FBXO33: variants seen among roughly 807,000 people sequenced by gnomAD.
FBXO33 encodes F-box only protein 33.
FBXO33 carries 22 observed loss-of-function variants against 46.3 expected under a neutral mutation model. The ratio of observed to expected loss-of-function variants is 0.48; its 90% CI spans 0.34 to 0.68. The LOEUF (loss-of-function observed/expected upper bound fraction) is 0.68, where lower values mean the gene tolerates loss of function less well. FBXO33 is among the 30% of genes least tolerant of loss of function. The pLI is 0.01. For missense variants in FBXO33, 692 were observed against 708.8 expected, an observed-to-expected ratio of 0.98 and a Z score of 0.27; for synonymous variants, 337 against 291.3, an observed-to-expected ratio of 1.16 and a Z score of -1.60.
intron 1 of FBXO33, among the ~76,000 whole-genome samples, chr14:39,418,060 CTAT>C (rs1293206244): frequency 4.6e-5 from 7 of 151,694 alleles, no homozygotes; most frequent in South Asian, 2.1e-4. Flanking sequence ...TTCAAATTTT[CTAT>C]TATTATTATT....
In FBXO33 at chr14:39,432,078, G is replaced by GCCGCCA. The variant is rs2075562784; in HGVS notation, c.79_84dup (p.Trp27_Arg28dup). 10 of 1,241,790 alleles carry GCCGCCA rather than the reference G, an allele frequency of 8.1e-6. No homozygotes were observed. Among genetic ancestry groups the GCCGCCA allele is most frequent in the Non-Finnish European group, 1.0e-5 (10 of 995,170 alleles). 76.9% of individuals were successfully genotyped at this position (1,241,790 alleles called of 1,614,324 possible). On this transcript the variant is annotated inframe_insertion, in exon 1 of 4. Coordinates refer to ENST00000298097, the MANE Select transcript of FBXO33 (RefSeq NM_203301.4). ...CGTCGCAGCTGCTGCAGCCGCAGCC[G>GCCGCCA]CCGCCACCGCGCCACCCGGGCGGCC... is the stretch of plus-strand genomic sequence containing the variant.
At chr14:39,414,850 T>TG (rs1015751113) in intron 1 of FBXO33, among the ~76,000 whole-genome samples, 1 of 152,024 alleles carries the variant, frequency 6.6e-6, no homozygotes, top group Non-Finnish European at 1.5e-5. Context: ...TTTGTAGGGA[T>TG]GGGGGTCTAT....
Position 39,432,189 on chromosome 14 carries a change from C to T in FBXO33, c.-27G>A. ...AATGACTAGGAAGAAGGGGGCGGAA[C>T]CGTCGTGGGTCTCGGCGGAACCAAG... On this transcript the variant is annotated 5_prime_UTR_variant, in exon 1 of 4. Transcript: ENST00000298097. The T allele has an allele frequency of 1.6e-6, 2 of 1,217,230 alleles. No individual in the cohort carries two copies. The highest frequency in any genetic ancestry group is 2.0e-6 in the Non-Finnish European group (2 of 976,812). 75.4% of individuals were successfully genotyped at this position (1,217,230 alleles called of 1,614,324 possible).
At chr14:39,431,373 A>G (rs572688089) in intron 1 of FBXO33, among the ~76,000 whole-genome samples, 191 bp downstream of exon 1, 3 of 152,168 alleles carry the variant, frequency 2.0e-5, no homozygotes. Flanking sequence ...CACTGTTTAT[A>G]AAGTATCGTG....
intron 1 of FBXO33, among the ~76,000 whole-genome samples, chr14:39,420,559 C>T (rs1470863870): frequency 1.3e-5 from 2 of 152,004 alleles, no homozygotes; most frequent in Non-Finnish European, 2.9e-5. Context: ...TGGTGGTGGG[C>T]ACCTGTATGT....
intron 1 of FBXO33, among the ~76,000 whole-genome samples, chr14:39,418,823 TAAC>T: frequency 6.6e-6 from 1 of 151,816 alleles, no homozygotes; most frequent in South Asian, 2.1e-4. Context: ...CAGTAAAACT[TAAC>T]AAGTTAATGT....
chr14:39,416,232 T>C (rs1252921248), intron 1 of FBXO33, among the ~76,000 whole-genome samples: 1 of 151,630 alleles, frequency 6.6e-6, no homozygotes, highest in Non-Finnish European at 1.5e-5. Context: ...ATAGCTTTGC[T>C]GGGTACACTA....
At chr14:39,408,043 C>G (rs904110086) in intron 1 of FBXO33, among the ~76,000 whole-genome samples, 2 of 152,162 alleles carry the variant, frequency 1.3e-5, no homozygotes, top group Admixed American at 6.5e-5. Context: ...CAGGCTCAGG[C>G]GATTCTCTCA....
chr14:39,406,504 G>C (rs141879273), intron 1 of FBXO33, among the ~76,000 whole-genome samples: 1 of 152,292 alleles, frequency 6.6e-6, no homozygotes, highest in African/African-American at 2.4e-5. Context: ...GATCCTGAAA[G>C]ATGGGGAAAA....
intron 3 of FBXO33, 116 bp downstream of exon 3, chr14:39,401,060 A>T: frequency 1.1e-6 from 1 of 934,676 alleles, no homozygotes; most frequent in Non-Finnish European, 1.6e-6. Flanking sequence ...AAGAATCTGT[A>T]TATCAACTTG....
chr14:39,401,732 C>A lies in FBXO33; in HGVS notation c.840G>T (p.Met280Ile). Reference sequence around the variant, plus strand: ...TATTGTCCAGTAAACTGAGGTGCTCCATGGTGTTGGCAACAGCATTAGAGA... The same window carrying A: ...TATTGTCCAGTAAACTGAGGTGCTCAATGGTGTTGGCAACAGCATTAGAGA... ...SSLSNAVANT[M>I]EHLSLLDNNI... Residue 280 changes from methionine (M) to isoleucine (I), a missense_variant, in exon 3 of 4, where the codon ATG becomes ATT. Transcript: ENST00000298097. 1 of 1,614,188 alleles carries A rather than the reference C, an allele frequency of 6.2e-7. No individual in the cohort carries two copies. The highest frequency in any genetic ancestry group is 8.5e-7 in the Non-Finnish European group (1 of 1,180,042).
At chr14:39,416,250 T>C (rs1401698871) in intron 1 of FBXO33, among the ~76,000 whole-genome samples, 1 of 139,586 alleles carries the variant, frequency 7.2e-6, no homozygotes, top group African/African-American at 2.9e-5. Flanking sequence ...CTATTCTTGG[T>C]TGACAGTTTT....
intron 3 of FBXO33, 143 bp downstream of exon 3, chr14:39,401,033 C>A (rs150696733): frequency 1.4e-6 from 1 of 740,228 alleles, no homozygotes; most frequent in Non-Finnish European, 2.0e-6. Context: ...ATATATCTTG[C>A]AAACTTTAAA....
rs2075366565 is a variant in FBXO33 at position 39,401,097 on chromosome 14, G to T, written c.1396+79C>A. On this transcript the variant is annotated intron_variant, in intron 3 of 3. Transcript: ENST00000298097. The stretch of plus-strand genomic sequence containing the variant: ...TACAAGATTTCTTGATACTATAAAG[G>T]TCAGTGCTATCTCTTTACTGGCAGA... 4.7e-6 allele frequency: 6 copies of T among 1,276,356 alleles called. No homozygotes were observed. The Admixed American group carries it at 9.3e-5, about 20-fold the overall frequency. The allele number at this position is 1,276,356 out of a possible 1,614,324, so 79.1% of individuals were successfully genotyped here.
At chr14:39,402,744 G>A (rs1015993779) in intron 1 of FBXO33, among the ~76,000 whole-genome samples, 4 of 143,146 alleles carry the variant, frequency 2.8e-5, no homozygotes, top group Non-Finnish European at 4.5e-5. Context: ...GGGCAGTAGC[G>A]CGATCCCGGT....
Position 39,431,998 on chromosome 14 carries a change from C to T in FBXO33, c.165G>A (p.Arg55=). The T allele has an allele frequency of 7.0e-7, 1 of 1,426,712 alleles. No homozygotes were observed. Among genetic ancestry groups the T allele is most frequent in the East Asian group, 2.8e-5 (1 of 35,098 alleles). 88.4% of individuals were successfully genotyped at this position (1,426,712 alleles called of 1,614,324 possible). A position where few individuals can be genotyped will look rare whatever the true frequency, so the allele number is the denominator to read the frequency against. Residue 55 remains arginine (R), a synonymous_variant, in exon 1 of 4, where the codon CGG becomes CGA. Transcript: ENST00000298097. ...GCCCGCACAGAGCCATCCGGCCCCG[C>T]CGCCGGCTGCCGGCTCCCGGCCGCC... The part of the protein sequence containing the change: ...LRGRPGAGSR[R]RGRMALCGQA...
chr14:39,424,349 T>A (rs1020687490), intron 1 of FBXO33, among the ~76,000 whole-genome samples: 7 of 152,256 alleles, frequency 4.6e-5, no homozygotes, highest in African/African-American at 1.4e-4. Flanking sequence ...TGAGATACTG[T>A]AATTTCACTT....
intron 1 of FBXO33, among the ~76,000 whole-genome samples, chr14:39,413,065 T>G (rs1336648246): frequency 1.3e-5 from 2 of 152,246 alleles, no homozygotes; most frequent in Non-Finnish European, 2.9e-5. Flanking sequence ...CTTCCTTTCA[T>G]GAAAGATTTC....
rs747936204 is a variant in FBXO33, at chr14:39,431,570, T to C, written c.593A>G (p.Asn198Ser). 1.2e-6 allele frequency: 2 copies of C among 1,612,202 alleles called. No individual in the cohort carries two copies. Among genetic ancestry groups the C allele is most frequent in the Non-Finnish European group, 8.5e-7 (1 of 1,180,010 alleles). Reference protein sequence around the residue: ...LVLCVLVSIRNNRNLQKFSLF... With the variant: ...LVLCVLVSIRSNRNLQKFSLF... ...GGGCTCAGGGCAAGCCTACCTGTTG[T>C]TCCGGATGCTGACCAGCACGCAAAG... The change falls in exon 1 of 4, where the codon AAC becomes AGC. Residue 198 changes from asparagine to serine, a missense_variant. Coordinates refer to ENST00000298097, the MANE Select transcript of FBXO33 (RefSeq NM_203301.4).
Sources: gnomAD v4.1 joint callset for allele counts (sites outside exome capture counted in the v4.1 genomes callset) on GRCh38, gnomAD v4.1.1 for gene constraint, MANE v1.5 for transcripts, NCBI Gene and HGNC (gene_info 2026-07-23, HGNC 2026-07-21) for gene names.